The following TNR variants were observed in gnomAD, a reference collection of about 807,000 sequenced individuals.
TNR encodes tenascin R.
In TNR, 45 loss-of-function variants were observed where a neutral mutation model predicts 150.4. The ratio of observed to expected loss-of-function variants is 0.30; its 90% CI spans 0.24 to 0.38. The LOEUF is 0.38. Ranked by LOEUF, TNR falls within the 10% of genes least tolerant of loss-of-function variation. The probability of loss-of-function intolerance (pLI) is 1.00; values close to 1 mark genes in which losing one functional copy is unlikely to be tolerated. For synonymous variants in TNR, 687 were observed against 678.4 expected (o/e 1.01, Z -0.20); for missense variants, 1,544 against 1,759.1 (o/e 0.88, Z 2.19).
At chr1:175,408,565 A>G (rs1393194201) in intron 2 of TNR, among the ~76,000 whole-genome samples, 1 of 152,200 alleles carries the variant, frequency 6.6e-6, no homozygotes, top group Admixed American at 6.5e-5. Flanking sequence ...TTGAGACTAT[A>G]GACTCTGGAG....
intron 1 of TNR, among the ~76,000 whole-genome samples, chr1:175,645,338 T>C (rs1664780059): frequency 6.6e-6 from 1 of 152,206 alleles, no homozygotes; most frequent in South Asian, 2.1e-4. Flanking sequence ...ATATAGTTGA[T>C]GCCACCAGCA....
At chr1:175,727,187 T>A (rs1667503879) in intron 1 of TNR, among the ~76,000 whole-genome samples, 1 of 152,228 alleles carries the variant, frequency 6.6e-6, no homozygotes. Flanking sequence ...ATTGTGAATC[T>A]TTTTAGAAGG....
intron 2 of TNR, among the ~76,000 whole-genome samples, chr1:175,441,881 G>T (rs1419403005): frequency 6.6e-6 from 1 of 152,156 alleles, no homozygotes; most frequent in Non-Finnish European, 1.5e-5. Context: ...AAACCAAGGT[G>T]GTGGGGGTTA....
At chr1:175,370,035 A>G (rs769197020) in intron 9 of TNR, among the ~76,000 whole-genome samples, 8 of 152,112 alleles carry the variant, frequency 5.3e-5, no homozygotes, top group Non-Finnish European at 1.0e-4. Flanking sequence ...TTTCTTTCCC[A>G]ACCCTTAATT....
intron 2 of TNR, among the ~76,000 whole-genome samples, chr1:175,416,180 A>G (rs1236561932): frequency 6.6e-6 from 1 of 152,196 alleles, no homozygotes; most frequent in Non-Finnish European, 1.5e-5. Context: ...ACACAGACAC[A>G]CATACACACA....
intron 1 of TNR, among the ~76,000 whole-genome samples, chr1:175,578,152 G>C (rs374416894): frequency 2.7e-4 from 41 of 152,240 alleles, no homozygotes; most frequent in Non-Finnish European, 5.0e-4. Flanking sequence ...AGCAGGGCTC[G>C]CCTCACAGTG....
At chr1:175,404,648 T>C (rs1294628478) in intron 3 of TNR, among the ~76,000 whole-genome samples, 2 of 152,234 alleles carry the variant, frequency 1.3e-5, no homozygotes, top group Admixed American at 6.5e-5. Context: ...TTTACTGACA[T>C]TATTTAACTT....
chr1:175,624,496 T>G (rs923744680), intron 1 of TNR, among the ~76,000 whole-genome samples: 1 of 152,126 alleles, frequency 6.6e-6, no homozygotes, highest in Non-Finnish European at 1.5e-5. Flanking sequence ...AAGAACTCCA[T>G]GTAACAACAG....
chr1:175,696,225 T>G (rs1017108260), intron 1 of TNR, among the ~76,000 whole-genome samples: 1 of 131,224 alleles, frequency 7.6e-6, no homozygotes, highest in African/African-American at 3.0e-5. Context: ...TAGTTTTTTT[T>G]TTTTTTTTTT....
intron 2 of TNR, among the ~76,000 whole-genome samples, chr1:175,416,160 A>G (rs963194965): frequency 1.3e-5 from 2 of 152,164 alleles, no homozygotes; most frequent in African/African-American, 4.8e-5. Context: ...TATAAAACAC[A>G]TATACAAACA....
At chr1:175,741,866 A>G (rs12742702) in intron 1 of TNR, among the ~76,000 whole-genome samples, 1 of 152,106 alleles carries the variant, frequency 6.6e-6, no homozygotes, top group Non-Finnish European at 1.5e-5. Flanking sequence ...AAAGAGTGAA[A>G]CCACCCCACC....
At chr1:175,346,533 T>A (rs1376797636) in intron 18 of TNR, among the ~76,000 whole-genome samples, 3 of 150,440 alleles carry the variant, frequency 2.0e-5, no homozygotes, top group Non-Finnish European at 4.4e-5. Context: ...AATATATCAC[T>A]AGGAAGACTG....
intron 1 of TNR, among the ~76,000 whole-genome samples, chr1:175,628,235 A>G (rs10913034): frequency 0.021 from 3,153 of 152,272 alleles, 110 homozygotes; most frequent in African/African-American, 0.07. Context: ...CTTTCTCCCC[A>G]GGGTATCAAG....
chr1:175,625,474 A>G (rs1664122916), intron 1 of TNR, among the ~76,000 whole-genome samples: 1 of 152,306 alleles, frequency 6.6e-6, no homozygotes, highest in Middle Eastern at 3.4e-3. Context: ...GTAGGCTGCC[A>G]CTGCTCCTTG....
chr1:175,354,076 C>T (rs1482327563), intron 18 of TNR, among the ~76,000 whole-genome samples: 1 of 152,128 alleles, frequency 6.6e-6, no homozygotes, highest in Non-Finnish European at 1.5e-5. Context: ...AAACTCCTGA[C>T]CTCAGGTAAT....
intron 1 of TNR, among the ~76,000 whole-genome samples, chr1:175,708,689 T>C (rs900070271): frequency 6.6e-6 from 1 of 152,078 alleles, no homozygotes; most frequent in African/African-American, 2.4e-5. Flanking sequence ...GACAGACAAA[T>C]GAACCATGGA....
chr1:175,395,137 T>A (rs1248215461), intron 5 of TNR, among the ~76,000 whole-genome samples: 1 of 151,710 alleles, frequency 6.6e-6, no homozygotes, highest in Non-Finnish European at 1.5e-5. Context: ...CATAGCGGAG[T>A]CCAAAATTAT....
intron 1 of TNR, among the ~76,000 whole-genome samples, chr1:175,726,486 A>G (rs2206060): frequency 0.97 from 147,406 of 152,382 alleles, 71,318 homozygotes; most frequent in East Asian, 1. Flanking sequence ...CTCCTAAGGT[A>G]CCTGTAGTCA....
chr1:175,410,432 C>A (rs377669224), intron 2 of TNR, among the ~76,000 whole-genome samples: 23 of 152,302 alleles, frequency 1.5e-4, no homozygotes, highest in African/African-American at 5.5e-4. Context: ...AACGACAATG[C>A]AATGTGATAA....
Sources: gnomAD v4.1 joint callset for allele counts (sites outside exome capture counted in the v4.1 genomes callset) on GRCh38, gnomAD v4.1.1 for gene constraint, MANE v1.5 for transcripts, NCBI Gene and HGNC (gene_info 2026-07-23, HGNC 2026-07-21) for gene names.